The following TRAPPC13 variants were observed in gnomAD, a reference collection of about 807,000 sequenced individuals.
TRAPPC13 encodes the protein trafficking protein particle complex subunit 13.
Under a neutral mutation model 54.0 loss-of-function variants are expected in TRAPPC13, and 39 were observed. The observed-to-expected ratio is 0.72, with a 90% CI of 0.56 to 0.94. The LOEUF (loss-of-function observed/expected upper bound fraction) is 0.94. Ranked by LOEUF, TRAPPC13 falls within the 40% of genes least tolerant of loss-of-function variation. The pLI is 0.00. For missense variants in TRAPPC13, 386 were observed against 488.1 expected, an observed-to-expected ratio of 0.79 and a Z score of 1.97; for synonymous variants, 148 against 167.7, an observed-to-expected ratio of 0.88 and a Z score of 0.91.
chr5:65,661,429 A>G (rs912621885), intron 10 of TRAPPC13: 3 of 152,366 alleles, frequency 2.0e-5, no homozygotes, highest in African/African-American at 7.2e-5. Flanking sequence ...GTAAGAATAT[A>G]CGACAGGATT....
Position 65,660,930 on chromosome 5 carries a change from G to T in TRAPPC13, c.897+33G>T, listed in dbSNP as rs750957451. The T allele has an allele frequency of 1.9e-6, 3 of 1,560,352 alleles. No homozygotes were observed. In the East Asian group the frequency reaches 6.8e-5, roughly 35 times the overall value. On this transcript the variant is annotated intron_variant, in intron 10 of 12. Coordinates refer to ENST00000399438, the MANE Select transcript of TRAPPC13 (RefSeq NM_024941.4). ...TGGAAAAAACTTCGCTGGGGTTTTG[G>T]TGTGTGAAAGACAGGTAGTTAGAAC...
intron 4 of TRAPPC13, among the ~76,000 whole-genome samples, chr5:65,640,945 T>C (rs1360625166): frequency 6.6e-6 from 1 of 151,966 alleles, no homozygotes; most frequent in Admixed American, 6.6e-5. Flanking sequence ...TCTTTCTTTT[T>C]TTTTTTGAGA....
intron 1 of TRAPPC13, chr5:65,630,051 G>A (rs1755463088): frequency 6.5e-7 from 1 of 1,535,978 alleles, no homozygotes; most frequent in South Asian, 1.2e-5. Flanking sequence ...TTGCAAGATA[G>A]TTTAAAGGCA....
chr5:65,646,227 GA>G (rs1223606466), intron 4 of TRAPPC13, among the ~76,000 whole-genome samples: 2 of 151,740 alleles, frequency 1.3e-5, no homozygotes, highest in Non-Finnish European at 2.9e-5. Context: ...TTCAAAAGGA[GA>G]AAAAAGAAAT....
intron 4 of TRAPPC13, among the ~76,000 whole-genome samples, chr5:65,643,829 A>G (rs1213435423): frequency 1.0e-4 from 10 of 97,658 alleles, no homozygotes; most frequent in East Asian, 4.7e-4. Context: ...AAAAAAAAAA[A>G]AAAGAAAGAA....
chr5:65,643,804 G>A (rs1344586661), intron 4 of TRAPPC13, among the ~76,000 whole-genome samples: 8 of 134,738 alleles, frequency 5.9e-5, no homozygotes, highest in Admixed American at 4.8e-4. Context: ...GCGACAGAGT[G>A]AGACTCCGTC....
chr5:65,659,774 A>G (rs1756779994), intron 9 of TRAPPC13, among the ~76,000 whole-genome samples: 1 of 152,014 alleles, frequency 6.6e-6, no homozygotes, highest in Admixed American at 6.6e-5. Context: ...GCTTGAAGCT[A>G]TGAGTTCTAG....
chr5:65,643,895 T>G (rs983057667), intron 4 of TRAPPC13, among the ~76,000 whole-genome samples: 7 of 151,772 alleles, frequency 4.6e-5, no homozygotes, highest in African/African-American at 1.7e-4. Context: ...TTAGTCATTG[T>G]GAATTGCAGC....
intron 7 of TRAPPC13, among the ~76,000 whole-genome samples, chr5:65,655,343 T>G (rs889243711): frequency 1.3e-5 from 2 of 152,204 alleles, no homozygotes; most frequent in African/African-American, 4.8e-5. Flanking sequence ...TAGAAAGTCA[T>G]GGGGTATACC....
chr5:65,656,818 A>G (rs1294255784), intron 8 of TRAPPC13, among the ~76,000 whole-genome samples: 3 of 152,202 alleles, frequency 2.0e-5, no homozygotes, highest in African/African-American at 7.2e-5. Context: ...AGGCAGGAGA[A>G]TCACTTGAAC....
chr5:65,628,862 C>T (rs1054627228), intron 1 of TRAPPC13, among the ~76,000 whole-genome samples: 6 of 151,136 alleles, frequency 4.0e-5, no homozygotes, highest in African/African-American at 1.2e-4. Flanking sequence ...CTTGCTCTAT[C>T]GCCCAGGCTG....
intron 8 of TRAPPC13, among the ~76,000 whole-genome samples, chr5:65,657,527 A>C (rs1756697699): frequency 6.6e-6 from 1 of 152,242 alleles, no homozygotes; most frequent in South Asian, 2.1e-4. Flanking sequence ...GTTTGTTTCA[A>C]AGATAAATCA....
chr5:65,659,114 C>T (rs1756758819), intron 9 of TRAPPC13, among the ~76,000 whole-genome samples: 1 of 152,118 alleles, frequency 6.6e-6, no homozygotes, highest in Non-Finnish European at 1.5e-5. Flanking sequence ...TTAGAATTCA[C>T]ACTTTTTGTT....
In TRAPPC13 at chr5:65,636,177, T is replaced by C. The variant is rs965768632; in HGVS notation, c.215+134T>C. ...TTTTTTTTCTGAGATGGAGTCTCGC[T>C]CTATTGCCCAGGCTGGAGTACAGTG... is the stretch of plus-strand genomic sequence containing the variant. On this transcript the variant is annotated intron_variant, in intron 3 of 12. Coordinates refer to ENST00000399438, the MANE Select transcript of TRAPPC13 (RefSeq NM_024941.4). 5.0e-6 allele frequency: 3 copies of C among 602,414 alleles called. No homozygotes were observed. In the African/African-American group the frequency reaches 5.8e-5, roughly 12 times the overall value. 37.3% of individuals were successfully genotyped at this position (602,414 alleles called of 1,614,324 possible).
intron 1 of TRAPPC13, chr5:65,625,542 A>T (rs551710569): frequency 6.0e-6 from 1 of 165,972 alleles, no homozygotes; most frequent in Admixed American, 6.3e-5. Context: ...AATACATAGT[A>T]ATACAACATA....
At chr5:65,634,267 G>A (rs957957844) in intron 1 of TRAPPC13, among the ~76,000 whole-genome samples, 1 of 152,054 alleles carries the variant, frequency 6.6e-6, no homozygotes, top group African/African-American at 2.4e-5. Flanking sequence ...TTACAGGCGT[G>A]AGCCACCATG....
chr5:65,626,956 A>G (rs1755263731), intron 1 of TRAPPC13, among the ~76,000 whole-genome samples: 1 of 151,912 alleles, frequency 6.6e-6, no homozygotes, highest in Non-Finnish European at 1.5e-5. Context: ...CCTGGCCAAC[A>G]TGGCGAAAAC....
intron 7 of TRAPPC13, among the ~76,000 whole-genome samples, chr5:65,653,519 T>C (rs1380030139): frequency 6.6e-6 from 1 of 151,974 alleles, no homozygotes. Context: ...AAAGAAAAAA[T>C]GCATGTAATA....
chr5:65,630,272 G>A, intron 1 of TRAPPC13: 1 of 1,535,124 alleles, frequency 6.5e-7, no homozygotes, highest in South Asian at 1.2e-5. Context: ...TCTTCTTAAA[G>A]GAAGATTAGC....
Sources: allele counts gnomAD v4.1 joint callset (sites outside exome capture counted in the v4.1 genomes callset), GRCh38; gene constraint gnomAD v4.1.1; transcripts MANE v1.5; gene names NCBI Gene and HGNC (gene_info 2026-07-23, HGNC 2026-07-21).